RIF1: variants seen among roughly 807,000 people sequenced by gnomAD.
The protein encoded by RIF1 is replication timing regulatory factor 1.
A neutral mutation model predicts 247.1 loss-of-function variants in RIF1; 45 were observed. The observed-to-expected ratio is 0.18, with a 90% CI of 0.14 to 0.23. The LOEUF (loss-of-function observed/expected upper bound fraction) is 0.23, where lower values mean the gene tolerates loss of function less well. Among genes scored for constraint, RIF1 ranks in the 10% least tolerant of loss-of-function variants. The probability of loss-of-function intolerance (pLI) is 1.00; values close to 1 mark genes in which losing one functional copy is unlikely to be tolerated. For missense variants in RIF1, 2,967 were observed against 2,862.5 expected (o/e 1.04, Z -0.83); for synonymous variants, 1,087 against 978.8 (o/e 1.11, Z -2.06).
At chr2:151,448,773 TTGTC>T (rs1693759214) in intron 20 of RIF1, among the ~76,000 whole-genome samples, 2 of 152,324 alleles carry the variant, frequency 1.3e-5, no homozygotes, top group African/African-American at 4.8e-5. Context: ...GTTAGGGACA[TTGTC>T]TGTCATGATG....
At chr2:151,518,347 G>A in the RIF1 span, 1 of 1,610,620 alleles carries the variant, frequency 6.2e-7, no homozygotes, top group East Asian at 2.2e-5. Flanking sequence ...GCCTCTTTTA[G>A]GTGAAGCTGC....
chr2:151,417,967 T>C (rs991363155), intron 6 of RIF1, among the ~76,000 whole-genome samples: 1 of 151,996 alleles, frequency 6.6e-6, no homozygotes, highest in Non-Finnish European at 1.5e-5. Context: ...TACCTAAACA[T>C]AGAAAAGGTA....
At chr2:151,454,517 A>G (rs965598702) in intron 21 of RIF1, among the ~76,000 whole-genome samples, 9 of 152,170 alleles carry the variant, frequency 5.9e-5, no homozygotes, top group East Asian at 1.9e-4. Context: ...CTAACTTTCA[A>G]AATTTAAATT....
chr2:151,493,665 T>G, intron 9 of RIF1: 1 of 942,908 alleles, frequency 1.1e-6, no homozygotes. Context: ...AAGGAAGAAT[T>G]TTTAAAGATA....
At chr2:151,521,694 C>T in the RIF1 span, among the ~76,000 whole-genome samples, 1 of 152,210 alleles carries the variant, frequency 6.6e-6, no homozygotes. Context: ...TTTCAAGCAG[C>T]AATCCCATTG....
chr2:151,457,750 G>T lies in RIF1; in HGVS notation c.2653-11G>T, dbSNP rs368514707. On this transcript the variant is annotated splice_polypyrimidine_tract_variant and intron_variant, in intron 23 of 35. Transcript: ENST00000444746. Reference sequence around the variant, plus strand: ...GTATATGTTTTGCTTTTATTTTTTCGTTTTTCCTAGTTAGAAAAGCTACTG... The same window carrying T: ...GTATATGTTTTGCTTTTATTTTTTCTTTTTTCCTAGTTAGAAAAGCTACTG... The T allele has an allele frequency of 1.9e-6, 3 of 1,606,256 alleles. No homozygotes were observed. The highest frequency in any genetic ancestry group is 1.7e-5 in the Admixed American group (1 of 59,108).
intron 30 of RIF1, among the ~76,000 whole-genome samples, chr2:151,467,752 A>G (rs958674067): frequency 2.0e-5 from 3 of 152,096 alleles, no homozygotes; most frequent in African/African-American, 7.2e-5. Flanking sequence ...AGTTTTTGTT[A>G]CTGTGCCTTT....
intron 8 of RIF1, among the ~76,000 whole-genome samples, chr2:151,424,853 T>TTTTTC (rs1688752463): frequency 1.4e-5 from 2 of 139,256 alleles, no homozygotes; most frequent in Non-Finnish European, 3.1e-5. Flanking sequence ...TTTTTTTTTT[T>TTTTTC]TTTCCATATT....
the RIF1 span, among the ~76,000 whole-genome samples, chr2:151,516,845 C>T: frequency 1.3e-5 from 2 of 152,124 alleles, no homozygotes; most frequent in Non-Finnish European, 2.9e-5. Context: ...AATGCTGATG[C>T]AAGAAAACGC....
intron 25 of RIF1, among the ~76,000 whole-genome samples, chr2:151,459,564 A>G (rs1695804428): frequency 6.6e-6 from 1 of 152,198 alleles, no homozygotes; most frequent in Non-Finnish European, 1.5e-5. Flanking sequence ...GAAAGAGTTC[A>G]GTGGAATGTG....
intron 9 of RIF1, chr2:151,493,413 A>T: frequency 6.2e-7 from 1 of 1,607,966 alleles, no homozygotes; most frequent in Non-Finnish European, 8.5e-7. Context: ...CAGGTGTCGG[A>T]GTTGCTTTTC....
At chr2:151,526,856 A>T in the RIF1 span, 4 of 1,156,822 alleles carry the variant, frequency 3.5e-6, no homozygotes, top group African/African-American at 6.1e-5. Context: ...GTCCCTGGGG[A>T]CTGTACCATG....
At chr2:151,493,418 C>T (rs2058058193) in intron 9 of RIF1, 1 of 1,607,154 alleles carries the variant, frequency 6.2e-7, no homozygotes, top group Non-Finnish European at 8.5e-7. Flanking sequence ...GTCGGAGTTG[C>T]TTTTCTCATG....
intron 9 of RIF1, among the ~76,000 whole-genome samples, chr2:151,429,285 A>T (rs1480301890): frequency 1.3e-5 from 2 of 151,964 alleles, no homozygotes; most frequent in African/African-American, 4.8e-5. Flanking sequence ...GGTTCAAGAG[A>T]TTCTCCTGCC....
the RIF1 span, among the ~76,000 whole-genome samples, chr2:151,516,789 C>A: frequency 6.6e-6 from 1 of 152,024 alleles, no homozygotes; most frequent in Admixed American, 6.6e-5. Context: ...GATTTGGATT[C>A]AATTCAAGGA....
At chr2:151,491,290 A>G (rs2056424319) in intron 9 of RIF1, 3 of 167,058 alleles carry the variant, frequency 1.8e-5, no homozygotes, top group Non-Finnish European at 3.9e-5. Context: ...GAAGTTGTGC[A>G]GCCTGCTTTG....
At position 151,493,823 on chromosome 2, in the gene RIF1, A is replaced by G; in HGVS notation, c.*416-1406A>G. On this transcript the variant is annotated intron_variant and NMD_transcript_variant, in intron 9 of 13. Coordinates refer to the RIF1 transcript ENST00000454583. ...GTTTCACTCTTTCCATCTCAGGAGT[A>G]AAGGGTGTGGGGGTTGCTTTCCCCA... 4.4e-6 allele frequency: 7 copies of G among 1,588,420 alleles called. No individual in the cohort carries two copies. The highest frequency in any genetic ancestry group is 6.0e-6 in the Non-Finnish European group (7 of 1,165,788).
chr2:151,414,755 A>G, intron 3 of RIF1, 68 bp from the exon 4 acceptor site: 3 of 1,067,482 alleles, frequency 2.8e-6, no homozygotes, highest in Non-Finnish European at 4.2e-6. Context: ...TCTGTAATCA[A>G]CTTCTGCTTT....
At chr2:151,425,682 T>TG (rs1688939275) in intron 8 of RIF1, among the ~76,000 whole-genome samples, 1 of 146,742 alleles carries the variant, frequency 6.8e-6, no homozygotes, top group African/African-American at 2.5e-5. Context: ...TTTTTTTTTT[T>TG]GTGAGACAGA....
Sources: allele counts gnomAD v4.1 joint callset (sites outside exome capture counted in the v4.1 genomes callset), GRCh38; gene constraint gnomAD v4.1.1; transcripts MANE v1.5; gene names NCBI Gene and HGNC (gene_info 2026-07-23, HGNC 2026-07-21).